The following ZFHX3 variants were observed in gnomAD, a reference collection of about 807,000 sequenced individuals.
ZFHX3 encodes zinc finger homeobox 3.
Under a neutral mutation model 279.1 loss-of-function variants are expected in ZFHX3, and 42 were observed. The observed-to-expected ratio is 0.15, with a 90% CI of 0.12 to 0.19. The LOEUF (loss-of-function observed/expected upper bound fraction) is 0.19. Among genes scored for constraint, ZFHX3 ranks in the 10% least tolerant of loss-of-function variants. The pLI is 1.00. For synonymous variants in ZFHX3, 2,293 were observed against 1,957.8 expected (o/e 1.17, Z -4.52); for missense variants, 4,981 against 4,754.0 (o/e 1.05, Z -1.40).
intron 2 of ZFHX3, among the ~76,000 whole-genome samples, chr16:73,537,693 G>T (rs550682387): frequency 6.6e-6 from 1 of 152,182 alleles, no homozygotes; most frequent in South Asian, 2.1e-4. Flanking sequence ...ATCCAAAGAT[G>T]AGTCAGTAGT....
intron 5 of ZFHX3, among the ~76,000 whole-genome samples, chr16:73,191,329 G>T (rs1473079491): frequency 8.5e-5 from 13 of 152,124 alleles, no homozygotes; most frequent in Non-Finnish European, 1.3e-4. Flanking sequence ...AGGTCTGTTC[G>T]CTGGGCAAGG....
At chr16:73,798,024 G>T (rs1048226965) in intron 1 of ZFHX3, among the ~76,000 whole-genome samples, 1 of 151,928 alleles carries the variant, frequency 6.6e-6, no homozygotes, top group Non-Finnish European at 1.5e-5. Flanking sequence ...GCCCAGGCTG[G>T]TCTCAAACTC....
chr16:72,978,217 C>T (rs1434776608), intron 1 of ZFHX3, among the ~76,000 whole-genome samples: 1 of 152,122 alleles, frequency 6.6e-6, no homozygotes, highest in Non-Finnish European at 1.5e-5. Flanking sequence ...ACGACCCAGC[C>T]CTTTCTGCTC....
intron 4 of ZFHX3, among the ~76,000 whole-genome samples, chr16:72,872,422 T>A (rs1326221368): frequency 6.6e-6 from 1 of 152,154 alleles, no homozygotes; most frequent in Non-Finnish European, 1.5e-5. Context: ...TCAATTTGTT[T>A]AGGAGATTAC....
At chr16:72,904,703 G>A (rs1220145590) in intron 3 of ZFHX3, among the ~76,000 whole-genome samples, 1 of 152,092 alleles carries the variant, frequency 6.6e-6, no homozygotes, top group Non-Finnish European at 1.5e-5. Flanking sequence ...ATCTCCTACG[G>A]CAGGCTGGTG....
chr16:73,720,581 C>T (rs1369512093), intron 1 of ZFHX3, among the ~76,000 whole-genome samples: 6 of 152,160 alleles, frequency 3.9e-5, no homozygotes, highest in East Asian at 3.9e-4. Context: ...TTTTATGGCA[C>T]GGCCTCAATT....
chr16:73,754,524 C>T (rs1409238938), intron 1 of ZFHX3, among the ~76,000 whole-genome samples: 4 of 151,966 alleles, frequency 2.6e-5, no homozygotes, highest in Non-Finnish European at 5.9e-5. Flanking sequence ...GCCGACCTTG[C>T]AGCCCCAGCT....
At chr16:73,241,684 G>A (rs2144944485) in intron 5 of ZFHX3, among the ~76,000 whole-genome samples, 2 of 151,880 alleles carry the variant, frequency 1.3e-5, no homozygotes, top group South Asian at 4.2e-4. Context: ...CAGCTACTTG[G>A]GAGGCTGAGG....
chr16:73,711,292 T>C (rs2053360578), intron 1 of ZFHX3, among the ~76,000 whole-genome samples: 2 of 152,064 alleles, frequency 1.3e-5, no homozygotes, highest in Admixed American at 6.5e-5. Context: ...GTTTAAATTG[T>C]GCATTTATAG....
intron 1 of ZFHX3, among the ~76,000 whole-genome samples, chr16:73,779,111 G>A (rs565522339): frequency 3.3e-5 from 5 of 152,128 alleles, no homozygotes; most frequent in Admixed American, 6.5e-5. Context: ...CACAGAACCC[G>A]TGTCTTGCAT....
chr16:73,804,647 G>A (rs905849442), intron 1 of ZFHX3, among the ~76,000 whole-genome samples: 31 of 152,026 alleles, frequency 2.0e-4, no homozygotes, highest in Non-Finnish European at 2.4e-4. Context: ...TAGCATCATG[G>A]CAAATATGAG....
intron 7 of ZFHX3, among the ~76,000 whole-genome samples, chr16:73,126,111 GA>G (rs1966565542): frequency 6.6e-6 from 1 of 152,156 alleles, no homozygotes; most frequent in African/African-American, 2.4e-5. Context: ...AATGGGGAAA[GA>G]CAGAGAATGG....
intron 1 of ZFHX3, among the ~76,000 whole-genome samples, chr16:73,890,780 A>C (rs2030508629): frequency 6.6e-6 from 1 of 151,978 alleles, no homozygotes. Context: ...TGATGGACCA[A>C]ATAATCACGT....
At chr16:72,819,663 T>C (rs1036605570) in intron 5 of ZFHX3, among the ~76,000 whole-genome samples, 2 of 152,194 alleles carry the variant, frequency 1.3e-5, no homozygotes, top group Non-Finnish European at 2.9e-5. Context: ...CCAGCAAGCA[T>C]GGGCCAATCT....
At chr16:73,847,381 G>C (rs891382817) in intron 1 of ZFHX3, among the ~76,000 whole-genome samples, 3 of 152,170 alleles carry the variant, frequency 2.0e-5, no homozygotes, top group African/African-American at 7.2e-5. Flanking sequence ...AGTGTCGAGG[G>C]GGGATTTGGC....
intron 2 of ZFHX3, among the ~76,000 whole-genome samples, chr16:73,528,588 C>A (rs1425233023): frequency 6.6e-6 from 1 of 152,176 alleles, no homozygotes; most frequent in African/African-American, 2.4e-5. Flanking sequence ...TAGAAAAGTG[C>A]AGGAGGGAGT....
intron 8 of ZFHX3, among the ~76,000 whole-genome samples, chr16:73,088,863 C>T (rs537962657): frequency 6.6e-6 from 1 of 152,196 alleles, no homozygotes; most frequent in South Asian, 2.1e-4. Flanking sequence ...CAGTCTTGAC[C>T]CTACATAGAT....
chr16:73,089,838 T>C (rs1966051211), intron 8 of ZFHX3, among the ~76,000 whole-genome samples: 1 of 152,224 alleles, frequency 6.6e-6, no homozygotes, highest in African/African-American at 2.4e-5. Context: ...TGGGGAATTA[T>C]CTGTAGGATA....
intron 4 of ZFHX3, among the ~76,000 whole-genome samples, chr16:73,287,760 C>CTGTGTGGGTGTGTGGGTGGG (rs1298250844): frequency 9.4e-6 from 1 of 106,930 alleles, no homozygotes; most frequent in Non-Finnish European, 1.9e-5. Flanking sequence ...TGGTGAGTGG[C>CTGTGTGGGTGTGTGGGTGGG]TGTGTGGGTG....
Sources: allele counts gnomAD v4.1 joint callset (sites outside exome capture counted in the v4.1 genomes callset), GRCh38; gene constraint gnomAD v4.1.1; transcripts MANE v1.5; gene names NCBI Gene and HGNC (gene_info 2026-07-23, HGNC 2026-07-21).